Variants in SORCS1 observed in about 807,000 individuals in gnomAD.
The protein encoded by SORCS1 is sortilin related VPS10 domain containing receptor 1.
In SORCS1, 60 loss-of-function variants were observed where a neutral mutation model predicts 146.1. The observed-to-expected ratio is 0.41, with a 90% CI of 0.33 to 0.51. SORCS1 has a LOEUF of 0.51. Among genes scored for constraint, SORCS1 ranks in the 20% least tolerant of loss-of-function variants. The pLI is 0.21. For synonymous variants in SORCS1, 637 were observed against 584.0 expected (o/e 1.09, Z -1.31); for missense variants, 1,352 against 1,487.6 (o/e 0.91, Z 1.50).
intron 1 of SORCS1, among the ~76,000 whole-genome samples, chr10:107,161,161 G>C (rs914568414): frequency 6.6e-6 from 1 of 152,194 alleles, no homozygotes; most frequent in Non-Finnish European, 1.5e-5. Flanking sequence ...AAAGTGAAGG[G>C]AAGGAGGTGA....
intron 3 of SORCS1, among the ~76,000 whole-genome samples, chr10:106,825,769 A>G (rs1948276318): frequency 6.6e-6 from 1 of 152,152 alleles, no homozygotes; most frequent in Admixed American, 6.5e-5. Flanking sequence ...CCTCTGAGAC[A>G]TCGTGACAGA....
Position 106,711,432 on chromosome 10 carries a change from C to G in SORCS1, c.1025-2091G>C, listed in dbSNP as rs550619950. ...TCACTAAAGATTTCTCTTAAGAAAA[C>G]TAGGAAGGCGGAATTGTCCAGGACC... On this transcript the variant is annotated intron_variant, in intron 6 of 25. Coordinates refer to ENST00000263054, the MANE Select transcript of SORCS1 (RefSeq NM_052918.5). Among the ~76,000 whole-genome samples the G allele has an allele frequency of 1.5e-4, 23 of 152,186 alleles. No individual in the cohort carries two copies. The East Asian group carries it at 4.1e-3, about 27-fold the overall frequency.
intron 18 of SORCS1, among the ~76,000 whole-genome samples, chr10:106,634,076 T>C (rs1848588434): frequency 6.6e-6 from 1 of 152,318 alleles, no homozygotes; most frequent in Admixed American, 6.5e-5. Flanking sequence ...CTGTAAGTAC[T>C]AAGGGTGTAT....
chr10:106,920,054 C>T (rs1952635365), intron 2 of SORCS1, among the ~76,000 whole-genome samples: 1 of 152,148 alleles, frequency 6.6e-6, no homozygotes, highest in South Asian at 2.1e-4. Flanking sequence ...TAAATGCCTC[C>T]TCCTTCCAAA....
At chr10:107,159,936 GAAT>G (rs1969577620) in intron 1 of SORCS1, among the ~76,000 whole-genome samples, 1 of 152,052 alleles carries the variant, frequency 6.6e-6, no homozygotes, top group Non-Finnish European at 1.5e-5. Flanking sequence ...ATTAGAAAAG[GAAT>G]CTATTCCTGA....
chr10:106,719,117 G>A (rs1325134459), intron 6 of SORCS1, among the ~76,000 whole-genome samples: 1 of 152,156 alleles, frequency 6.6e-6, no homozygotes, highest in African/African-American at 2.4e-5. Context: ...AGGGGAAGGA[G>A]TTAAAGAGCG....
At chr10:106,659,519 A>G (rs1221135974) in intron 17 of SORCS1, among the ~76,000 whole-genome samples, 1 of 152,218 alleles carries the variant, frequency 6.6e-6, no homozygotes, top group Non-Finnish European at 1.5e-5. Context: ...CTACAGTCCA[A>G]GGAATTCTAA....
intron 5 of SORCS1, among the ~76,000 whole-genome samples, chr10:106,747,997 ATATT>A (rs1281325582): frequency 2.0e-5 from 3 of 152,168 alleles, no homozygotes; most frequent in Non-Finnish European, 4.4e-5. Flanking sequence ...CACTCAGAAA[ATATT>A]TATTGAGCAC....
rs140248779 is a variant in SORCS1 at position 106,706,548 on chromosome 10, G to A, written c.1230C>T (p.Pro410=). Residue 410 remains proline (P), a synonymous_variant, in exon 8 of 26, where the codon CCC becomes CCT. Transcript: ENST00000263054. ...AAGAAAGTGATTTAGGCCATACCTT[G>A]GGCAAAGCATATTTCGGAAGCTTCA... is the stretch of plus-strand genomic sequence containing the variant. The part of the protein sequence containing the change: ...AQMKLPKYAL[P]KDMHVISTDE... 4.2e-4 allele frequency: 676 copies of A among 1,613,978 alleles called. 5 individuals are homozygous for A. The African/African-American group carries it at 8.0e-3, about 19-fold the overall frequency.
intron 1 of SORCS1, among the ~76,000 whole-genome samples, chr10:107,075,136 G>T (rs1370316192): frequency 2.6e-5 from 4 of 152,008 alleles, no homozygotes; most frequent in Non-Finnish European, 5.9e-5. Context: ...TGAGCAGTTT[G>T]GTTTTATAAC....
intron 3 of SORCS1, among the ~76,000 whole-genome samples, chr10:106,796,372 T>G (rs1239091458): frequency 6.6e-6 from 1 of 152,158 alleles, no homozygotes; most frequent in African/African-American, 2.4e-5. Flanking sequence ...GATCAGAAAT[T>G]TTCAAGAAGA....
At chr10:107,041,794 C>A (rs757472123) in intron 1 of SORCS1, among the ~76,000 whole-genome samples, 1 of 152,114 alleles carries the variant, frequency 6.6e-6, no homozygotes, top group Non-Finnish European at 1.5e-5. Context: ...GCTTTCAGAG[C>A]ATGTGTCTCT....
At chr10:107,032,708 C>T (rs1360038639) in intron 1 of SORCS1, among the ~76,000 whole-genome samples, 1 of 152,088 alleles carries the variant, frequency 6.6e-6, no homozygotes, top group Non-Finnish European at 1.5e-5. Flanking sequence ...CATCTAATGC[C>T]GCAGGGAAAT....
intron 3 of SORCS1, among the ~76,000 whole-genome samples, chr10:106,800,025 G>A (rs186436053): frequency 1.3e-5 from 2 of 152,208 alleles, no homozygotes; most frequent in South Asian, 2.1e-4. Context: ...TGTAACATTT[G>A]GTTATAGAGA....
At chr10:106,928,239 G>T (rs559569356) in intron 2 of SORCS1, among the ~76,000 whole-genome samples, 1 of 152,328 alleles carries the variant, frequency 6.6e-6, no homozygotes, top group South Asian at 2.1e-4. Flanking sequence ...CAGGTCCCCA[G>T]CCCTGCCCCG....
At chr10:107,127,424 G>C (rs576894513) in intron 1 of SORCS1, among the ~76,000 whole-genome samples, 2 of 152,210 alleles carry the variant, frequency 1.3e-5, no homozygotes, top group Admixed American at 1.3e-4. Flanking sequence ...GTTGTGTATT[G>C]GTGATTCTAT....
intron 11 of SORCS1, 83 bp downstream of exon 11, chr10:106,679,549 A>G (rs1852285343): frequency 7.9e-7 from 1 of 1,261,576 alleles, no homozygotes; most frequent in African/African-American, 1.5e-5. Context: ...CTAGCTTCTT[A>G]AAATAAACTT....
chr10:106,838,710 C>A (rs1448822216), intron 2 of SORCS1, among the ~76,000 whole-genome samples: 2 of 152,172 alleles, frequency 1.3e-5, no homozygotes, highest in African/African-American at 4.8e-5. Flanking sequence ...TTTTACTTTG[C>A]AAACATTACA....
At chr10:106,735,439 T>C (rs1236323773) in intron 5 of SORCS1, among the ~76,000 whole-genome samples, 2 of 152,166 alleles carry the variant, frequency 1.3e-5, no homozygotes, top group African/African-American at 4.8e-5. Context: ...CAAGGTGCTA[T>C]TTGAAGACAC....
Sources: allele counts gnomAD v4.1 joint callset (sites outside exome capture counted in the v4.1 genomes callset), GRCh38; gene constraint gnomAD v4.1.1; transcripts MANE v1.5; gene names NCBI Gene and HGNC (gene_info 2026-07-23, HGNC 2026-07-21).